Variants in CTNNA2 observed in about 807,000 individuals in gnomAD.
CTNNA2 encodes catenin alpha 2.
A neutral mutation model predicts 101.0 loss-of-function variants in CTNNA2; 42 were observed. The ratio of observed to expected loss-of-function variants is 0.42; its 90% confidence interval spans 0.32 to 0.54. The LOEUF (loss-of-function observed/expected upper bound fraction) is 0.54. CTNNA2 is among the 20% of genes least tolerant of loss of function. CTNNA2 has a pLI of 0.14. For missense variants in CTNNA2, 871 were observed against 1,223.1 expected, an observed-to-expected ratio of 0.71 and a Z score of 4.29; for synonymous variants, 450 against 456.4, an observed-to-expected ratio of 0.99 and a Z score of 0.18.
intron 7 of CTNNA2, among the ~76,000 whole-genome samples, chr2:80,033,640 T>C (rs1436646678): frequency 6.6e-6 from 1 of 152,100 alleles, no homozygotes; most frequent in Non-Finnish European, 1.5e-5. Context: ...AGTTCTGAAG[T>C]TTATATGCAA....
intron 13 of CTNNA2, among the ~76,000 whole-genome samples, chr2:80,580,114 T>C (rs1695399888): frequency 6.6e-6 from 1 of 152,214 alleles, no homozygotes; most frequent in Non-Finnish European, 1.5e-5. Flanking sequence ...TAACGTCTCA[T>C]GCCTCAGTTT....
At chr2:80,004,626 C>T (rs537589072) in intron 7 of CTNNA2, among the ~76,000 whole-genome samples, 14 of 152,094 alleles carry the variant, frequency 9.2e-5, no homozygotes, top group East Asian at 5.8e-4. Flanking sequence ...TTCAGAATAA[C>T]GCAGCTACTA....
intron 4 of CTNNA2, among the ~76,000 whole-genome samples, chr2:79,392,422 C>T (rs746525517): frequency 6.6e-6 from 1 of 152,172 alleles, no homozygotes; most frequent in Non-Finnish European, 1.5e-5. Flanking sequence ...AGAAAAGGAT[C>T]AATGTTTTCT....
chr2:80,566,874 C>T (rs1159144434), intron 12 of CTNNA2, among the ~76,000 whole-genome samples: 4 of 152,088 alleles, frequency 2.6e-5, no homozygotes, highest in Non-Finnish European at 4.4e-5. Context: ...TTTAGAGATT[C>T]GAACATTAAT....
At chr2:80,233,700 G>A (rs1414904029) in intron 7 of CTNNA2, among the ~76,000 whole-genome samples, 1 of 152,068 alleles carries the variant, frequency 6.6e-6, no homozygotes, top group Admixed American at 6.6e-5. Flanking sequence ...GTCAGATTTT[G>A]GAAACACAGC....
At chr2:79,212,961 G>A (rs1181985272) in intron 2 of CTNNA2, among the ~76,000 whole-genome samples, 6 of 152,182 alleles carry the variant, frequency 3.9e-5, no homozygotes. Context: ...GAAATGAGAG[G>A]TTCTAAGAGA....
At position 79,514,576 on chromosome 2, in the gene CTNNA2, G is replaced by A. The variant is rs1273753710; in HGVS notation, c.-6+1369G>A. 3.3e-5 allele frequency: 5 copies of A among 152,100 alleles called. No homozygotes were observed. In the South Asian group the frequency reaches 1.0e-3, roughly 31 times the overall value. 9.4% of individuals were successfully genotyped at this position (152,100 alleles called of 1,614,324 possible). ...AACCCCTTACATTATACATGTTATT[G>A]GCAATTTGACAATTCTTTCTGTTAG... On this transcript the variant is annotated intron_variant, in intron 1 of 18. Coordinates refer to ENST00000402739, the MANE Select transcript of CTNNA2 (RefSeq NM_001282597.3).
At chr2:79,792,469 C>T (rs568633980) in intron 3 of CTNNA2, among the ~76,000 whole-genome samples, 3 of 152,180 alleles carry the variant, frequency 2.0e-5, no homozygotes, top group Admixed American at 2.0e-4. Flanking sequence ...TTTTAGCTTG[C>T]AGTGTAATGT....
intron 2 of CTNNA2, among the ~76,000 whole-genome samples, chr2:79,670,642 C>G (rs902843579): frequency 6.6e-6 from 1 of 152,136 alleles, no homozygotes; most frequent in African/African-American, 2.4e-5. Context: ...GGATTTTCTT[C>G]TATATCTCCA....
chr2:80,066,692 T>A (rs1698005426), intron 7 of CTNNA2, among the ~76,000 whole-genome samples: 1 of 152,140 alleles, frequency 6.6e-6, no homozygotes, highest in Admixed American at 6.5e-5. Flanking sequence ...TGTCAAAAAA[T>A]TAAAAATCAA....
At position 80,545,074 on chromosome 2, in the gene CTNNA2, G is replaced by T; in HGVS notation, c.1383G>T (p.Gln461His). The T allele has an allele frequency of 1.2e-6, 2 of 1,613,674 alleles. No homozygotes were observed. Residue 461 changes from glutamine (Q) to histidine (H), a missense_variant and splice_region_variant, in exon 10 of 19, where the codon CAG becomes CAT. This residue lies in a region of CTNNA2 where 647 missense variants were observed against 831.5 expected (regional missense o/e 0.78). Transcript: ENST00000402739. Reference sequence around the variant, plus strand: ...CCCAGATTGACAGCCTGTGTCCCCAGGTAAGCCTCATTCACTTTGTTTCAA... The same window carrying T: ...CCCAGATTGACAGCCTGTGTCCCCATGTAAGCCTCATTCACTTTGTTTCAA... ...AATQIDSLCP[Q>H]VINAALTLAA...
At chr2:79,680,723 C>T (rs1336752607) in intron 2 of CTNNA2, among the ~76,000 whole-genome samples, 1 of 152,218 alleles carries the variant, frequency 6.6e-6, no homozygotes, top group East Asian at 1.9e-4. Flanking sequence ...TAAATGCTTT[C>T]TCTAAAACTG....
intron 4 of CTNNA2, among the ~76,000 whole-genome samples, chr2:79,426,604 T>C (rs1573160566): frequency 6.6e-6 from 1 of 152,206 alleles, no homozygotes; most frequent in South Asian, 2.1e-4. Context: ...TTAGAGAAAA[T>C]ATATACTCAG....
chr2:80,498,628 C>T (rs931766014), intron 9 of CTNNA2, among the ~76,000 whole-genome samples: 2 of 152,210 alleles, frequency 1.3e-5, no homozygotes, highest in African/African-American at 4.8e-5. Flanking sequence ...TTTTTCCACC[C>T]AAGTGTATCT....
intron 2 of CTNNA2, among the ~76,000 whole-genome samples, chr2:79,715,052 A>AG (rs1363556349): frequency 6.6e-6 from 1 of 150,990 alleles, no homozygotes; most frequent in East Asian, 1.9e-4. Context: ...AAAAAAAAAA[A>AG]AAAAATTAAC....
At chr2:79,907,388 A>C (rs1237061398) in intron 6 of CTNNA2, among the ~76,000 whole-genome samples, 1 of 152,170 alleles carries the variant, frequency 6.6e-6, no homozygotes, top group African/African-American at 2.4e-5. Flanking sequence ...ATGCATCAAC[A>C]GAAAGGCAGT....
At chr2:79,528,570 C>G (rs1218342759) in intron 1 of CTNNA2, among the ~76,000 whole-genome samples, 1 of 151,886 alleles carries the variant, frequency 6.6e-6, no homozygotes, top group Non-Finnish European at 1.5e-5. Flanking sequence ...TGAATTATGC[C>G]TATAATGTAA....
chr2:80,128,001 T>C (rs1702228889), intron 7 of CTNNA2, among the ~76,000 whole-genome samples: 1 of 152,026 alleles, frequency 6.6e-6, no homozygotes, highest in Non-Finnish European at 1.5e-5. Flanking sequence ...GGACAGGCGA[T>C]TGTCATGGCT....
intron 7 of CTNNA2, among the ~76,000 whole-genome samples, chr2:80,373,626 TTTAC>T (rs994147806): frequency 4.6e-5 from 7 of 152,288 alleles, no homozygotes; most frequent in South Asian, 2.1e-4. Flanking sequence ...TATTTATTTA[TTTAC>T]TTACTTACTT....
Sources: allele counts gnomAD v4.1 joint callset (sites outside exome capture counted in the v4.1 genomes callset), GRCh38; gene constraint gnomAD v4.1.1; regional missense constraint gnomAD v4.1.1; transcripts MANE v1.5; gene names NCBI Gene and HGNC (gene_info 2026-07-23, HGNC 2026-07-21).